Variants in SARS1 observed in about 807,000 individuals in gnomAD.
SARS1 encodes the protein seryl-tRNA synthetase 1, also known as serine--tRNA ligase, cytoplasmic.
A neutral mutation model predicts 63.7 loss-of-function variants in SARS1; 25 were observed. The ratio of observed to expected loss-of-function variants is 0.39; its 90% confidence interval spans 0.29 to 0.55. SARS1 has a LOEUF of 0.55. SARS1 is among the 20% of genes least tolerant of loss of function. The probability of loss-of-function intolerance (pLI) is 0.62; values close to 1 mark genes in which losing one functional copy is unlikely to be tolerated. For synonymous variants in SARS1, 231 were observed against 243.5 expected, an observed-to-expected ratio of 0.95 and a Z score of 0.48; for missense variants, 417 against 649.7, an observed-to-expected ratio of 0.64 and a Z score of 3.89.
intron 6 of SARS1, among the ~76,000 whole-genome samples, chr1:109,234,763 C>T (rs1384365096): frequency 1.3e-5 from 2 of 152,146 alleles, no homozygotes; most frequent in Admixed American, 1.3e-4. Flanking sequence ...GTCAGGAGTT[C>T]GAGATCAGCT....
intron 9 of SARS1, 95 bp downstream of exon 9, chr1:109,236,643 C>A: frequency 6.6e-7 from 1 of 1,517,974 alleles, no homozygotes; most frequent in Non-Finnish European, 8.9e-7. Context: ...TCCCCAGCAT[C>A]ATGGGAAAAT....
intron 8 of SARS1, 48 bp downstream of exon 8, chr1:109,236,154 C>T (rs775673923): frequency 1.3e-5 from 21 of 1,583,850 alleles, no homozygotes; most frequent in South Asian, 8.1e-5. Context: ...TAATCCCAGA[C>T]GCCACCCTTA....
At position 109,235,867 on chromosome 1, in the gene SARS1, C is replaced by A; in HGVS notation, c.970-110C>A. 9.0e-7 allele frequency: 1 copy of A among 1,110,572 alleles called. No individual in the cohort carries two copies. The highest frequency in any genetic ancestry group is 1.3e-6 in the Non-Finnish European group (1 of 778,286). The allele number at this position is 1,110,572 out of a possible 1,614,324, so 68.8% of individuals were successfully genotyped here. On this transcript the variant is annotated intron_variant, in intron 7 of 10. Transcript: ENST00000234677. This position sits in a 1 kb window ranked among gnomAD's most constrained non-coding sequence, Gnocchi z 4.7. ...CCCAGTTGCTGGGGGCCCAGACTTG[C>A]CTGCCTCCCAGTGGTGTGGAAACAG...
chr1:109,237,654 T>C lies in SARS1; in HGVS notation c.1388-77T>C, dbSNP rs1468421818. On this transcript the variant is annotated intron_variant, in intron 10 of 10. Coordinates refer to ENST00000234677, the MANE Select transcript of SARS1 (RefSeq NM_006513.4). This position sits in a 1 kb window ranked among gnomAD's most constrained non-coding sequence, Gnocchi z 4.1. ...TCTGTTCAAAGGGATCATTGTCTTG[T>C]TGAATTCTCCCCAGAGGTCTTAGGG... 6.0e-6 allele frequency: 9 copies of C among 1,511,004 alleles called. No homozygotes were observed. The highest frequency in any genetic ancestry group is 7.2e-6 in the Non-Finnish European group (8 of 1,103,848). The allele number at this position is 1,511,004 out of a possible 1,614,324, so 93.6% of individuals were successfully genotyped here. A position where few individuals can be genotyped will look rare whatever the true frequency, so the allele number is the denominator to read the frequency against.
chr1:109,231,077 ATATATATTTT>A, intron 5 of SARS1, 56 bp downstream of exon 5: 1 of 988,524 alleles, frequency 1.0e-6, no homozygotes, highest in Non-Finnish European at 1.3e-6. Context: ...AAATATATAT[ATATATATTTT>A]TTTTTTTTTT....
At chr1:109,226,465 C>G (rs1206931563) in intron 2 of SARS1, among the ~76,000 whole-genome samples, 1 of 149,928 alleles carries the variant, frequency 6.7e-6, no homozygotes, top group East Asian at 1.9e-4. Context: ...AGTCCTCCCA[C>G]CTCAGCCTCT....
intron 9 of SARS1, chr1:109,236,826 T>G (rs1352740910): frequency 4.4e-6 from 7 of 1,602,286 alleles, no homozygotes; most frequent in Non-Finnish European, 6.0e-6. Flanking sequence ...TCTCCATTTA[T>G]CTACACAGAA....
rs1655184554 is a variant in SARS1 at position 109,230,469 on chromosome 1, T to C, written c.448-409T>C. On this transcript the variant is annotated intron_variant, in intron 4 of 10. Transcript: ENST00000234677. Reference sequence around the variant, plus strand: ...GCGATGACTTCACAAAGTTAAGTTGTTCGTGGAATAAAGTTTGGAAAGATG... The same window carrying C: ...GCGATGACTTCACAAAGTTAAGTTGCTCGTGGAATAAAGTTTGGAAAGATG... Among the ~76,000 whole-genome samples, 3 of 152,130 alleles carry C rather than the reference T, an allele frequency of 2.0e-5. No individual in the cohort carries two copies. In the South Asian group the frequency reaches 6.2e-4, roughly 32 times the overall value.
At chr1:109,232,280 G>A (rs139907312) in intron 6 of SARS1, among the ~76,000 whole-genome samples, 1,574 of 152,302 alleles carry the variant, frequency 0.01, 16 homozygotes, top group Middle Eastern at 0.024. Context: ...CATGGACCAT[G>A]TCAGGGAGAG....
At position 109,236,466 on chromosome 1, in the gene SARS1, TG is replaced by T; in HGVS notation, c.1177del (p.Val393SerfsTer24). 6.2e-7 allele frequency: 1 copy of T among 1,607,012 alleles called. No individual in the cohort carries two copies. The highest frequency in any genetic ancestry group is 8.5e-7 in the Non-Finnish European group (1 of 1,174,010). ...CCGGGCTCAGGAGCCTTCCGTGAGTTGGTCTCCTGTTCTAATTGCACGGATT... is the reference window on the plus strand; with the variant it reads ...CCGGGCTCAGGAGCCTTCCGTGAGTTGTCTCCTGTTCTAATTGCACGGATT... ...WFPGSGAFRE[L>X]VSCSNCTDYQ... On this transcript the variant is annotated frameshift_variant, in exon 9 of 11. Transcript: ENST00000234677. LOFTEE classifies it high-confidence loss of function.
rs1655296183 is a variant in SARS1, at chr1:109,235,844, C to T, written c.970-133C>T. On this transcript the variant is annotated intron_variant, in intron 7 of 10. Coordinates refer to ENST00000234677, the MANE Select transcript of SARS1 (RefSeq NM_006513.4). The surrounding 1 kb of genome is among the most constrained non-coding windows in gnomAD (Gnocchi z 4.7). ...AGCATTTGCTCTTGTGGTCCAGTCC[C>T]AGTTGCTGGGGGCCCAGACTTGCCT... The T allele has an allele frequency of 3.7e-6, 3 of 821,260 alleles. No homozygotes were observed. The highest frequency in any genetic ancestry group is 2.5e-5 in the Admixed American group (1 of 40,224). The allele number at this position is 821,260 out of a possible 1,614,324, so 50.9% of individuals were successfully genotyped here.
chr1:109,213,894 G>C, upstream of SARS1: 2 of 1,445,802 alleles, frequency 1.4e-6, no homozygotes, highest in Non-Finnish European at 1.8e-6. Flanking sequence ...CGCCTGCGCA[G>C]GAAGGGCGGG....
At chr1:109,219,236 A>G (rs1654864935) in intron 1 of SARS1, among the ~76,000 whole-genome samples, 1 of 132,508 alleles carries the variant, frequency 7.5e-6, no homozygotes, top group East Asian at 2.2e-4. Flanking sequence ...ACTGCAGTCC[A>G]GCCTGGGCGA....
Position 109,217,106 on chromosome 1 carries a change from G to T in SARS1, c.136+2978G>T, listed in dbSNP as rs893070575. ...TACTTGAAGGCTTAAGTTTTGCAGT[G>T]ACATACTTTAGAGCAGCACTGTCTG... On this transcript the variant is annotated intron_variant, in intron 1 of 10. Coordinates refer to ENST00000234677, the MANE Select transcript of SARS1 (RefSeq NM_006513.4). 6 of 985,268 alleles carry T rather than the reference G, an allele frequency of 6.1e-6. No homozygotes were observed. The African/African-American group carries it at 1.0e-4, about 17-fold the overall frequency. 61.0% of individuals were successfully genotyped at this position (985,268 alleles called of 1,614,324 possible).
chr1:109,236,312 G>T, intron 8 of SARS1, 79 bp from the exon 9 acceptor site: 4 of 1,448,634 alleles, frequency 2.8e-6, no homozygotes, highest in South Asian at 1.3e-5. Flanking sequence ...ATGAATTAAA[G>T]AATTCTTCAG....
intron 4 of SARS1, among the ~76,000 whole-genome samples, chr1:109,229,952 G>A (rs1655173533): frequency 6.6e-6 from 1 of 152,262 alleles, no homozygotes; most frequent in African/African-American, 2.4e-5. Context: ...TGCTGAGCGG[G>A]AGCTTCCCCT....
At chr1:109,216,164 G>T (rs1654780831) in intron 1 of SARS1, 1 of 985,404 alleles carries the variant, frequency 1.0e-6, no homozygotes, top group Non-Finnish European at 1.2e-6. Flanking sequence ...TTGACATCTT[G>T]AACTTCAGAT....
At chr1:109,225,062 G>A (rs981586892) in intron 2 of SARS1, among the ~76,000 whole-genome samples, 1 of 152,132 alleles carries the variant, frequency 6.6e-6, no homozygotes, top group Non-Finnish European at 1.5e-5. Flanking sequence ...CCAAGATTGC[G>A]CTACTGAGCT....
intron 8 of SARS1, 93 bp downstream of exon 8, chr1:109,236,199 A>T: frequency 7.0e-7 from 1 of 1,425,694 alleles, no homozygotes; most frequent in Non-Finnish European, 9.6e-7. Flanking sequence ...ACAGCTCACA[A>T]TTCAACTCAT....
Sources: allele counts gnomAD v4.1 joint callset (sites outside exome capture counted in the v4.1 genomes callset), GRCh38; gene constraint gnomAD v4.1.1; non-coding constraint Gnocchi (gnomAD v3.1); transcripts MANE v1.5; gene names NCBI Gene and HGNC (gene_info 2026-07-23, HGNC 2026-07-21).